Variants in PLXDC2 observed in about 807,000 individuals in gnomAD.
The protein encoded by PLXDC2 is plexin domain-containing protein 2.
In PLXDC2, 40 loss-of-function variants were observed where a neutral mutation model predicts 68.9. The ratio of observed to expected loss-of-function variants is 0.58; its 90% CI spans 0.45 to 0.76. PLXDC2 has a LOEUF of 0.76. PLXDC2 is among the 30% of genes least tolerant of loss of function. The pLI, the probability that PLXDC2 is intolerant of heterozygous loss-of-function variation, is 0.00. For missense variants in PLXDC2, 644 were observed against 661.9 expected (o/e 0.97, Z 0.30); for synonymous variants, 243 against 234.2 (o/e 1.04, Z -0.34).
intron 13 of PLXDC2, among the ~76,000 whole-genome samples, chr10:20,257,105 A>C (rs1429298421): frequency 2.0e-5 from 3 of 152,172 alleles, no homozygotes; most frequent in Admixed American, 2.0e-4. Context: ...AAAAGCTGTG[A>C]AGGTACAAAT....
intron 1 of PLXDC2, among the ~76,000 whole-genome samples, chr10:19,964,155 A>T (rs1049137902): frequency 6.6e-6 from 1 of 152,224 alleles, no homozygotes; most frequent in Non-Finnish European, 1.5e-5. Flanking sequence ...TTCTTTGGCT[A>T]TTCCCACCAT....
intron 1 of PLXDC2, among the ~76,000 whole-genome samples, chr10:19,818,158 TGGAG>T (rs1313674617): frequency 2.0e-5 from 3 of 151,138 alleles, no homozygotes; most frequent in Admixed American, 2.0e-4. Flanking sequence ...AGAAAAAACT[TGGAG>T]GGAAAAGAAA....
At chr10:20,128,436 T>C (rs1251538313) in intron 4 of PLXDC2, among the ~76,000 whole-genome samples, 1 of 152,212 alleles carries the variant, frequency 6.6e-6, no homozygotes, top group Non-Finnish European at 1.5e-5. Flanking sequence ...GATATACATA[T>C]ACATTGTGAA....
At chr10:20,199,259 CAG>C (rs1834885906) in intron 9 of PLXDC2, among the ~76,000 whole-genome samples, 1 of 151,786 alleles carries the variant, frequency 6.6e-6, no homozygotes, top group Non-Finnish European at 1.5e-5. Context: ...CAAACTGAGA[CAG>C]AGGTTACTTA....
intron 7 of PLXDC2, among the ~76,000 whole-genome samples, chr10:20,176,770 T>G (rs1372391580): frequency 2.0e-5 from 3 of 152,098 alleles, no homozygotes; most frequent in Admixed American, 1.3e-4. Context: ...AATAGGTAAG[T>G]GAGATATCTG....
At chr10:19,926,551 C>A (rs1186084438) in intron 1 of PLXDC2, among the ~76,000 whole-genome samples, 1 of 152,086 alleles carries the variant, frequency 6.6e-6, no homozygotes, top group Non-Finnish European at 1.5e-5. Flanking sequence ...CTGATTGAAT[C>A]ACTTTCTCAA....
intron 13 of PLXDC2, among the ~76,000 whole-genome samples, chr10:20,266,858 T>C (rs1351760426): frequency 1.3e-5 from 2 of 152,278 alleles, no homozygotes; most frequent in South Asian, 2.1e-4. Flanking sequence ...GCAAGCACAA[T>C]GCTAAGTAAA....
intron 13 of PLXDC2, among the ~76,000 whole-genome samples, chr10:20,275,585 A>G (rs1371751383): frequency 6.6e-6 from 1 of 152,220 alleles, no homozygotes; most frequent in Non-Finnish European, 1.5e-5. Context: ...GATTTTTATT[A>G]GAAAACAAAA....
At chr10:19,841,121 C>G (rs987476718) in intron 1 of PLXDC2, among the ~76,000 whole-genome samples, 5 of 152,180 alleles carry the variant, frequency 3.3e-5, no homozygotes, top group African/African-American at 1.2e-4. Context: ...TGTTCGAATC[C>G]TTCTCTTCAA....
chr10:19,964,628 C>G (rs1834217788), intron 1 of PLXDC2, among the ~76,000 whole-genome samples: 1 of 152,212 alleles, frequency 6.6e-6, no homozygotes, highest in Admixed American at 6.5e-5. Context: ...GGCACAGGAT[C>G]ACACACTATT....
intron 4 of PLXDC2, among the ~76,000 whole-genome samples, chr10:20,069,488 A>G (rs373988932): frequency 1.3e-4 from 20 of 152,094 alleles, no homozygotes; most frequent in African/African-American, 3.6e-4. Context: ...GAGACCCTAT[A>G]TCTACAAAAA....
chr10:19,852,890 G>C (rs534037796), intron 1 of PLXDC2, among the ~76,000 whole-genome samples: 1 of 152,178 alleles, frequency 6.6e-6, no homozygotes, highest in African/African-American at 2.4e-5. Context: ...AAATTGTACT[G>C]ATAGTTCTAA....
At chr10:20,041,855 A>T (rs1835688982) in intron 2 of PLXDC2, among the ~76,000 whole-genome samples, 1 of 152,176 alleles carries the variant, frequency 6.6e-6, no homozygotes. Context: ...AAGAGAATTA[A>T]AAAGAGAGGG....
At chr10:20,134,380 TCA>T (rs1833906824) in intron 4 of PLXDC2, among the ~76,000 whole-genome samples, 1 of 152,180 alleles carries the variant, frequency 6.6e-6, no homozygotes, top group South Asian at 2.1e-4. Context: ...AGAATGTCCT[TCA>T]CCACTCAGTC....
intron 1 of PLXDC2, among the ~76,000 whole-genome samples, chr10:19,919,214 A>G (rs1345067200): frequency 6.6e-6 from 1 of 152,252 alleles, no homozygotes; most frequent in African/African-American, 2.4e-5. Context: ...TTAATACAGT[A>G]TGTCATATTC....
At chr10:20,137,566 C>G (rs1833950120) in intron 4 of PLXDC2, among the ~76,000 whole-genome samples, 1 of 152,184 alleles carries the variant, frequency 6.6e-6, no homozygotes, top group Non-Finnish European at 1.5e-5. Context: ...TTTGAGGTGG[C>G]CACCACCCTG....
intron 9 of PLXDC2, among the ~76,000 whole-genome samples, chr10:20,202,597 T>C (rs1344022424): frequency 6.6e-6 from 1 of 152,140 alleles, no homozygotes; most frequent in Non-Finnish European, 1.5e-5. Flanking sequence ...GCCAGCATAT[T>C]TCAATATGTT....
intron 1 of PLXDC2, among the ~76,000 whole-genome samples, chr10:19,867,730 C>A (rs565115178): frequency 1.8e-4 from 28 of 152,174 alleles, no homozygotes; most frequent in Admixed American, 1.2e-3. Flanking sequence ...AGCATCACAT[C>A]TTCAAATTCC....
intron 1 of PLXDC2, among the ~76,000 whole-genome samples, chr10:19,849,828 G>A (rs943129725): frequency 2.6e-5 from 4 of 151,998 alleles, no homozygotes; most frequent in African/African-American, 4.8e-5. Context: ...GAAGTTAAAG[G>A]ACTATAAAAA....
Sources: allele counts gnomAD v4.1 joint callset (sites outside exome capture counted in the v4.1 genomes callset), GRCh38; gene constraint gnomAD v4.1.1; transcripts MANE v1.5; gene names NCBI Gene and HGNC (gene_info 2026-07-23, HGNC 2026-07-21).